Variants in RABAC1 observed in about 807,000 individuals in gnomAD.
RABAC1 encodes prenylated Rab acceptor protein 1.
Under a neutral mutation model 22.9 loss-of-function variants are expected in RABAC1, and 16 were observed. The ratio of observed to expected loss-of-function variants is 0.70; its 90% CI spans 0.47 to 1.06. The LOEUF (loss-of-function observed/expected upper bound fraction) is 1.06. Among genes scored for constraint, RABAC1 ranks in the 50% least tolerant of loss-of-function variants. The pLI is 0.00. For synonymous variants in RABAC1, 139 were observed against 107.7 expected, an observed-to-expected ratio of 1.29 and a Z score of -1.80; for missense variants, 227 against 246.5, an observed-to-expected ratio of 0.92 and a Z score of 0.53.
At chr19:41,958,075 G>C in intron 3 of RABAC1, 1 of 541,568 alleles carries the variant, frequency 1.8e-6, no homozygotes, top group Non-Finnish European at 3.4e-6. Flanking sequence ...TCCTGGGTTT[G>C]AGGAATAGCA....
In RABAC1 at chr19:41,958,341, GAA is replaced by G; in HGVS notation, c.310_311del (p.Phe104ArgfsTer69). 3.1e-6 allele frequency: 5 copies of G among 1,613,542 alleles called. No individual in the cohort carries two copies. The highest frequency in any genetic ancestry group is 2.2e-5 in the East Asian group (1 of 44,872). On this transcript the variant is annotated frameshift_variant, in exon 3 of 5. Coordinates refer to ENST00000222008, the MANE Select transcript of RABAC1 (RefSeq NM_006423.3). LOFTEE classifies it high-confidence loss of function. ...GCAGATAGAGAATGTAACAGGCGCCGAAAAAGACAGCCAGAGCCACCAGCAAC... is the reference window on the plus strand; with the variant it reads ...GCAGATAGAGAATGTAACAGGCGCCGAAAGACAGCCAGAGCCACCAGCAAC... Reference protein sequence around the residue: ...PMLLVALAVFFGACYILYLRT... With the variant: ...PMLLVALAVFXGACYILYLRT...
At chr19:41,959,179 G>C in intron 1 of RABAC1, 58 bp downstream of exon 1, 11 of 1,606,906 alleles carry the variant, frequency 6.8e-6, no homozygotes, top group Non-Finnish European at 8.5e-6. Context: ...GGGAGGAGGG[G>C]GCCGGGGGCC....
In RABAC1 at chr19:41,958,919, C is replaced by A. The variant is rs782290376; in HGVS notation, c.86G>T (p.Gly29Val). 1 of 1,590,504 alleles carries A rather than the reference C, an allele frequency of 6.3e-7. No homozygotes were observed. The highest frequency in any genetic ancestry group is 1.3e-5 in the African/African-American group (1 of 74,750). ...CCGCTCCAGCCACTCCCGGCCTGCACCGGAGGGAATCAGCTTCGGCAGCAG... is the reference window on the plus strand; with the variant it reads ...CCGCTCCAGCCACTCCCGGCCTGCAACGGAGGGAATCAGCTTCGGCAGCAG... ...TTLLPKLIPS[G>V]AGREWLERRR... Residue 29 changes from glycine (G) to valine (V), a missense_variant, in exon 2 of 5, where the codon GGT becomes GTT. Coordinates refer to ENST00000222008, the MANE Select transcript of RABAC1 (RefSeq NM_006423.3).
chr19:41,956,900 G>A lies in RABAC1; in HGVS notation c.504C>T (p.Ala168=), dbSNP rs1555856752. ...ATLVVIGSHA[A]FHQIEAVDGE... ...CGTCCACAGCCTCAATCTGGTGGAA[G>A]GCAGCGTGGGAGCCGATGACCACCA... The change falls in exon 5 of 5, where the codon GCC becomes GCT. Residue 168 remains alanine (A), a synonymous_variant. Coordinates refer to ENST00000222008, the MANE Select transcript of RABAC1 (RefSeq NM_006423.3). 1 of 1,612,670 alleles carries A rather than the reference G, an allele frequency of 6.2e-7. No individual in the cohort carries two copies. Among genetic ancestry groups the A allele is most frequent in the Admixed American group, 1.7e-5 (1 of 59,984 alleles).
At chr19:41,958,615 G>A (rs2075000818) in intron 2 of RABAC1, 121 bp downstream of exon 2, 3 of 1,160,482 alleles carry the variant, frequency 2.6e-6, no homozygotes, top group South Asian at 3.0e-5. Flanking sequence ...CCTGGGCGGT[G>A]AGAAGAGGGC....
At chr19:41,956,981 C>T (rs782105536) in intron 4 of RABAC1, 37 bp downstream of exon 4, 4 of 1,613,018 alleles carry the variant, frequency 2.5e-6, no homozygotes, top group Non-Finnish European at 2.5e-6. Flanking sequence ...CACCTGGCTC[C>T]CACCATCCAC....
chr19:41,957,266 G>C (rs151127417), intron 3 of RABAC1, 147 bp from the exon 4 acceptor site: 79 of 658,618 alleles, frequency 1.2e-4, no homozygotes, highest in African/African-American at 1.2e-3. Flanking sequence ...AGGTCCTGGG[G>C]TCACCCTGTT....
rs1434110744 is a variant in RABAC1 at position 41,958,383 on chromosome 19, C to G, written c.270G>C (p.Val90=). ...CCACCAGCAACATAGGGGACGTCAC[C>G]CTGGAGGAGGAGTGCAGGGAGGCAG... ...FVFLGLILYC[V]VTSPMLLVAL... is the part of the protein sequence containing the mutation. The change falls in exon 3 of 5, where the codon GTG becomes GTC. Residue 90 remains valine, a splice_region_variant and synonymous_variant. Coordinates refer to ENST00000222008, the MANE Select transcript of RABAC1 (RefSeq NM_006423.3). 8.1e-6 allele frequency: 13 copies of G among 1,612,644 alleles called. No individual in the cohort carries two copies. The highest frequency in any genetic ancestry group is 1.1e-5 in the Non-Finnish European group (13 of 1,179,444).
In RABAC1 at chr19:41,956,844, C is replaced by G. The variant is rs199657295; in HGVS notation, c.*2G>C. On this transcript the variant is annotated 3_prime_UTR_variant, in exon 5 of 5. Coordinates refer to ENST00000222008, the MANE Select transcript of RABAC1 (RefSeq NM_006423.3). ...GGAGGCCGGCAGGTCCCAGAAGACA[C>G]CTCACACGGGTTCCATCTGCAGCTC... 6.2e-7 allele frequency: 1 copy of G among 1,608,818 alleles called. No individual in the cohort carries two copies. Among genetic ancestry groups the G allele is most frequent in the Non-Finnish European group, 8.5e-7 (1 of 1,177,744 alleles).
Position 41,959,309 on chromosome 19 carries a change from G to A in RABAC1, c.-17C>T, listed in dbSNP as rs782170525. On this transcript the variant is annotated 5_prime_UTR_variant, in exon 1 of 5. Transcript: ENST00000222008. ...CGCTGCCATGTCTGCGTCGTGAGGGGTAGAGCTGCTGTAACCAGCCCGGTA... is the reference window on the plus strand; with the variant it reads ...CGCTGCCATGTCTGCGTCGTGAGGGATAGAGCTGCTGTAACCAGCCCGGTA... 2.5e-6 allele frequency: 4 copies of A among 1,613,500 alleles called. No individual in the cohort carries two copies. Among genetic ancestry groups the A allele is most frequent in the Non-Finnish European group, 3.4e-6 (4 of 1,179,876 alleles).
In RABAC1 at chr19:41,957,103, TG is replaced by T; in HGVS notation, c.383del (p.Pro128GlnfsTer?). Reference protein sequence around the residue: ...KLVLFGREVSPAHQYALAGGI... With the variant: ...KLVLFGREVSXAHQYALAGGI... ...CTCCAGCCAGAGCATACTGATGCGC[TG>T]GGCTCACCTCTCGGCCTGGGGGCAG... On this transcript the variant is annotated frameshift_variant, in exon 4 of 5. Coordinates refer to ENST00000222008, the MANE Select transcript of RABAC1 (RefSeq NM_006423.3). LOFTEE classifies it high-confidence loss of function. 6.2e-7 allele frequency: 1 copy of T among 1,613,734 alleles called. No individual in the cohort carries two copies.
intron 3 of RABAC1, chr19:41,957,578 AGGGATG>A (rs1424873754): frequency 6.0e-6 from 1 of 167,000 alleles, no homozygotes; most frequent in African/African-American, 2.4e-5. Context: ...TAGAAGTCTC[AGGGATG>A]GGGTCTACAT....
At position 41,958,722 on chromosome 19, in the gene RABAC1, C is replaced by G; in HGVS notation, c.269+14G>C. ...TCGGGGCTAGTGCGGGTGCGGGGCC[C>G]GGGAGGCACTCACACACAGTACAGG... On this transcript the variant is annotated intron_variant, in intron 2 of 4. Transcript: ENST00000222008. 1 of 1,607,306 alleles carries G rather than the reference C, an allele frequency of 6.2e-7. No homozygotes were observed. Among genetic ancestry groups the G allele is most frequent in the Non-Finnish European group, 8.5e-7 (1 of 1,176,860 alleles).
Position 41,958,723 on chromosome 19 carries a change from G to A in RABAC1, c.269+13C>T, listed in dbSNP as rs782272758. ...CGGGGCTAGTGCGGGTGCGGGGCCC[G>A]GGAGGCACTCACACACAGTACAGGA... On this transcript the variant is annotated intron_variant, in intron 2 of 4. Transcript: ENST00000222008. 5.0e-6 allele frequency: 8 copies of A among 1,608,082 alleles called. No individual in the cohort carries two copies. The East Asian group carries it at 1.3e-4, about 27-fold the overall frequency.
At chr19:41,959,016 A>G (rs1203557707) in intron 1 of RABAC1, 68 bp from the exon 2 acceptor site, 2 of 1,453,860 alleles carry the variant, frequency 1.4e-6, no homozygotes, top group African/African-American at 2.8e-5. Context: ...AAAGAAGGGG[A>G]CTAAGGGTGC....
Position 41,956,896 on chromosome 19 carries a change from G to A in RABAC1, c.508C>T (p.His170Tyr). ...TCCCCGTCCACAGCCTCAATCTGGT[G>A]GAAGGCAGCGTGGGAGCCGATGACC... ...LVVIGSHAAF[H>Y]QIEAVDGEEL... The change falls in exon 5 of 5, where the codon CAC becomes TAC. Residue 170 changes from histidine (H) to tyrosine (Y), a missense_variant. Coordinates refer to ENST00000222008, the MANE Select transcript of RABAC1 (RefSeq NM_006423.3). 6.2e-7 allele frequency: 1 copy of A among 1,612,666 alleles called. No homozygotes were observed. The highest frequency in any genetic ancestry group is 8.5e-7 in the Non-Finnish European group (1 of 1,179,490).
rs782325653 is a variant in RABAC1 at position 41,959,306 on chromosome 19, G to A, written c.-14C>T. On this transcript the variant is annotated 5_prime_UTR_variant, in exon 1 of 5. Coordinates refer to ENST00000222008, the MANE Select transcript of RABAC1 (RefSeq NM_006423.3). ...CTGCGCTGCCATGTCTGCGTCGTGAGGGGTAGAGCTGCTGTAACCAGCCCG... is the reference window on the plus strand; with the variant it reads ...CTGCGCTGCCATGTCTGCGTCGTGAAGGGTAGAGCTGCTGTAACCAGCCCG... 5 of 1,613,516 alleles carry A rather than the reference G, an allele frequency of 3.1e-6. No individual in the cohort carries two copies. The highest frequency in any genetic ancestry group is 1.6e-4 in the Middle Eastern group (1 of 6,062).
chr19:41,959,189 C>T lies in RABAC1; in HGVS notation c.56+48G>A, dbSNP rs782775887. ...GAGGAGGGAGGAGGGGGCCGGGGGC[C>T]CGGACTCCCGGGTCTCTGGTCCGAG... On this transcript the variant is annotated intron_variant, in intron 1 of 4. Transcript: ENST00000222008. 10 of 1,610,714 alleles carry T rather than the reference C, an allele frequency of 6.2e-6. No homozygotes were observed. In the Admixed American group the frequency reaches 1.5e-4, roughly 24 times the overall value.
chr19:41,959,149 T>G, intron 1 of RABAC1, 88 bp downstream of exon 1: 1 of 1,563,422 alleles, frequency 6.4e-7, no homozygotes, highest in Non-Finnish European at 8.7e-7. Flanking sequence ...GGGCTGGGAC[T>G]CCAGGCTCTC....
Sources: allele counts gnomAD v4.1 joint callset, GRCh38; gene constraint gnomAD v4.1.1; transcripts MANE v1.5; gene names NCBI Gene and HGNC (gene_info 2026-07-23, HGNC 2026-07-21).